PCDH15: variants seen among roughly 807,000 people sequenced by gnomAD.
The protein encoded by PCDH15 is protocadherin related 15, also known as protocadherin-15.
PCDH15 carries 129 observed loss-of-function variants against 178.5 expected under a neutral mutation model. The observed-to-expected ratio is 0.72, with a 90% CI of 0.63 to 0.84. The LOEUF is 0.84. Ranked by LOEUF, PCDH15 falls within the 40% of genes least tolerant of loss-of-function variation. PCDH15 has a pLI of 0.00. For synonymous variants in PCDH15, 800 were observed against 732.0 expected, an observed-to-expected ratio of 1.09 and a Z score of -1.50; for missense variants, 2,230 against 2,099.9, an observed-to-expected ratio of 1.06 and a Z score of -1.21.
At chr10:55,296,543 TATTATAACA>T (rs1295316567) in intron 1 of PCDH15, among the ~76,000 whole-genome samples, 1 of 152,136 alleles carries the variant, frequency 6.6e-6, no homozygotes, top group Non-Finnish European at 1.5e-5. Context: ...GAAGACCAAG[TATTATAACA>T]AAAGATTTTC....
chr10:55,289,821 GA>G (rs1842963501), intron 1 of PCDH15, among the ~76,000 whole-genome samples: 1 of 152,088 alleles, frequency 6.6e-6, no homozygotes, highest in East Asian at 1.9e-4. Context: ...GAGCTCTTGT[GA>G]ATGGATTAAT....
intron 2 of PCDH15, among the ~76,000 whole-genome samples, chr10:55,013,972 T>C (rs1028076735): frequency 6.6e-6 from 1 of 152,090 alleles, no homozygotes; most frequent in African/African-American, 2.4e-5. Context: ...AATCTCACCA[T>C]TGAAGTTTCT....
chr10:55,113,100 T>C (rs1380197635), intron 2 of PCDH15, among the ~76,000 whole-genome samples: 1 of 152,174 alleles, frequency 6.6e-6, no homozygotes, highest in Non-Finnish European at 1.5e-5. Context: ...TTATCTCAAA[T>C]TTCCAGTCTC....
chr10:55,595,895 G>A (rs1409316022), intron 2 of PCDH15, among the ~76,000 whole-genome samples: 1 of 151,978 alleles, frequency 6.6e-6, no homozygotes, highest in Non-Finnish European at 1.5e-5. Context: ...GCTCAGTCAA[G>A]ATACATATTA....
intron 9 of PCDH15, among the ~76,000 whole-genome samples, chr10:54,230,744 T>C (rs1176635529): frequency 6.6e-6 from 1 of 152,152 alleles, no homozygotes; most frequent in Non-Finnish European, 1.5e-5. Flanking sequence ...ATTCATAATA[T>C]TATTATAATC....
intron 2 of PCDH15, among the ~76,000 whole-genome samples, chr10:55,329,113 A>G (rs1844126428): frequency 6.6e-6 from 1 of 150,604 alleles, no homozygotes. Flanking sequence ...GAAACATTGT[A>G]CAGAGAAGAG....
At chr10:54,328,952 T>C (rs1357537568) in intron 7 of PCDH15, among the ~76,000 whole-genome samples, 1 of 152,000 alleles carries the variant, frequency 6.6e-6, no homozygotes, top group Non-Finnish European at 1.5e-5. Flanking sequence ...AGCATGTCTA[T>C]GTTATATAAG....
chr10:55,619,437 C>A (rs1843544400), intron 2 of PCDH15, among the ~76,000 whole-genome samples: 1 of 151,862 alleles, frequency 6.6e-6, no homozygotes, highest in Admixed American at 6.6e-5. Flanking sequence ...TGCTCAAGAG[C>A]TATTAGAAAT....
intron 1 of PCDH15, among the ~76,000 whole-genome samples, chr10:55,274,768 G>A (rs566216084): frequency 5.3e-5 from 8 of 152,162 alleles, no homozygotes; most frequent in Admixed American, 3.9e-4. Flanking sequence ...GGTTGGTTTC[G>A]GGATGAAACT....
intron 18 of PCDH15, among the ~76,000 whole-genome samples, chr10:54,046,829 C>G (rs1264187570): frequency 1.3e-5 from 2 of 151,818 alleles, no homozygotes; most frequent in Non-Finnish European, 2.9e-5. Context: ...GTTTAAAGGA[C>G]AAGAGTTGGT....
At chr10:55,235,616 G>C (rs908393423) in intron 1 of PCDH15, among the ~76,000 whole-genome samples, 2 of 151,990 alleles carry the variant, frequency 1.3e-5, no homozygotes, top group Non-Finnish European at 2.9e-5. Context: ...GGAACAATAA[G>C]AATCTTCTGG....
chr10:55,594,427 C>T (rs1329944037), intron 2 of PCDH15, among the ~76,000 whole-genome samples: 2 of 151,774 alleles, frequency 1.3e-5, no homozygotes, highest in Non-Finnish European at 2.9e-5. Context: ...TAAAACATTT[C>T]AACTAAGAAA....
intron 1 of PCDH15, among the ~76,000 whole-genome samples, chr10:54,709,106 A>T (rs998741358): frequency 6.6e-6 from 1 of 152,096 alleles, no homozygotes; most frequent in African/African-American, 2.4e-5. Context: ...ATCTTCTTTC[A>T]TTCCAAAGAA....
Position 54,106,089 on chromosome 10 carries a change from G to C in PCDH15, c.1918-16026C>G, listed in dbSNP as rs1349637800. On this transcript the variant is annotated intron_variant, in intron 15 of 37. Coordinates refer to ENST00000644397, the MANE Select transcript of PCDH15 (RefSeq NM_001384140.1). The stretch of plus-strand genomic sequence containing the variant: ...ACATGTCAGAATAGACAAATTTAAA[G>C]ACACAGAAAGCAGACTGGTAGTTGC... 2.0e-5 allele frequency among the ~76,000 whole-genome samples: 3 copies of C among 152,246 alleles called. No homozygotes were observed. The East Asian group carries it at 5.8e-4, about 29-fold the overall frequency.
At chr10:54,031,762 T>G (rs539573689) in intron 18 of PCDH15, among the ~76,000 whole-genome samples, 5 of 152,184 alleles carry the variant, frequency 3.3e-5, no homozygotes, top group South Asian at 2.1e-4. Flanking sequence ...GGTAAACACT[T>G]GAAGATTATG....
chr10:54,190,846 T>C (rs990951574), intron 11 of PCDH15, among the ~76,000 whole-genome samples: 1 of 152,192 alleles, frequency 6.6e-6, no homozygotes, highest in Non-Finnish European at 1.5e-5. Flanking sequence ...GCTCGGTCTA[T>C]AAAAAACAGA....
At chr10:55,162,943 C>T (rs1839102704) in intron 2 of PCDH15, among the ~76,000 whole-genome samples, 1 of 152,164 alleles carries the variant, frequency 6.6e-6, no homozygotes, top group Admixed American at 6.6e-5. Flanking sequence ...ATTAACATCA[C>T]TATTTCAGAA....
At chr10:53,863,149 T>C (rs2079208565) in intron 27 of PCDH15, among the ~76,000 whole-genome samples, 1 of 152,182 alleles carries the variant, frequency 6.6e-6, no homozygotes, top group African/African-American at 2.4e-5. Flanking sequence ...GAATGATCTT[T>C]AGTGTAAAGA....
chr10:54,025,656 G>C (rs2093061943), intron 18 of PCDH15, among the ~76,000 whole-genome samples: 2 of 151,990 alleles, frequency 1.3e-5, no homozygotes, highest in Admixed American at 6.6e-5. Context: ...CTGTCACCAT[G>C]CCCAGCTAAT....
Sources: allele counts gnomAD v4.1 joint callset (sites outside exome capture counted in the v4.1 genomes callset), GRCh38; gene constraint gnomAD v4.1.1; transcripts MANE v1.5; gene names NCBI Gene and HGNC (gene_info 2026-07-23, HGNC 2026-07-21).